APOBEC3F: variants seen among roughly 807,000 people sequenced by gnomAD.
APOBEC3F encodes DNA dC->dU-editing enzyme APOBEC-3F.
APOBEC3F carries 34 observed loss-of-function variants against 45.8 expected under a neutral mutation model. The ratio of observed to expected loss-of-function variants is 0.74; its 90% CI spans 0.57 to 0.99. The LOEUF (loss-of-function observed/expected upper bound fraction) is 0.99, where lower values mean the gene tolerates loss of function less well. APOBEC3F is among the 50% of genes least tolerant of loss of function. The pLI, the probability that APOBEC3F is intolerant of heterozygous loss-of-function variation, is 0.00. For missense variants in APOBEC3F, 459 were observed against 474.1 expected (o/e 0.97, Z 0.30); for synonymous variants, 192 against 174.4 (o/e 1.10, Z -0.80).
In APOBEC3F at chr22:39,054,674, A is replaced by G. The variant is rs1927636105; in HGVS notation, c.*1979A>G. 6.6e-6 allele frequency among the ~76,000 whole-genome samples: 1 copy of G among 152,218 alleles called. No individual in the cohort carries two copies. The highest frequency in any genetic ancestry group is 1.5e-5 in the Non-Finnish European group (1 of 68,030). ...CTGTCTCTGTTCTCCCAACATGGTG[A>G]ACACCACCCGGACTGCGTGTATGTC... On this transcript the variant is annotated 3_prime_UTR_variant, in exon 7 of 7. Coordinates refer to ENST00000308521, the MANE Select transcript of APOBEC3F (RefSeq NM_145298.6).
chr22:39,048,192 G>A (rs1371958218), intron 4 of APOBEC3F, among the ~76,000 whole-genome samples: 1 of 152,208 alleles, frequency 6.6e-6, no homozygotes, highest in Non-Finnish European at 1.5e-5. Context: ...CTCCTGCAGG[G>A]CCTGTGATGC....
intron 2 of APOBEC3F, among the ~76,000 whole-genome samples, chr22:39,043,882 C>G (rs533044726): frequency 6.6e-6 from 1 of 151,538 alleles, no homozygotes; most frequent in Non-Finnish European, 1.5e-5. Flanking sequence ...AAAATTAGCC[C>G]GGTGTGGTGG....
chr22:39,043,996 G>C, intron 2 of APOBEC3F: 1 of 1,451,376 alleles, frequency 6.9e-7, no homozygotes, highest in Non-Finnish European at 9.1e-7. Flanking sequence ...TTGCACTCCA[G>C]CCTGGGCAAC....
chr22:39,043,087 C>G lies in APOBEC3F; in HGVS notation c.168C>G (p.Gly56=). ...RPRLDAKIFR[G]QVYSQPEHHA... ...GTTTGGACGCAAAGATCTTTCGAGGCCAGGTACCACCCGGACTTCAATCAC... is the reference window on the plus strand; with the variant it reads ...GTTTGGACGCAAAGATCTTTCGAGGGCAGGTACCACCCGGACTTCAATCAC... Residue 56 remains glycine (G), a synonymous_variant, in exon 2 of 7, where the codon GGC becomes GGG. Transcript: ENST00000308521. 6.2e-7 allele frequency: 1 copy of G among 1,614,044 alleles called. No individual in the cohort carries two copies. Among genetic ancestry groups the G allele is most frequent in the South Asian group, 1.1e-5 (1 of 91,066 alleles).
At chr22:39,046,402 T>C (rs1267557579) in intron 4 of APOBEC3F, among the ~76,000 whole-genome samples, 1 of 152,132 alleles carries the variant, frequency 6.6e-6, no homozygotes, top group Non-Finnish European at 1.5e-5. Context: ...GTCCCTGTTC[T>C]GTGTGTCTGT....
rs148020366 is a variant in APOBEC3F at position 39,045,172 on chromosome 22, T to C, written c.403T>C (p.Cys135Arg). 4.3e-6 allele frequency: 7 copies of C among 1,614,134 alleles called. No homozygotes were observed. In the East Asian group the frequency reaches 1.6e-4, roughly 36 times the overall value. The change falls in exon 3 of 7, where the codon TGC becomes CGC. Residue 135 changes from cysteine to arginine, a missense_variant. By Grantham distance (180) the Cys-to-Arg change is radical (BLOSUM62 -3). Transcript: ENST00000308521. ...YWERDYRRALCRLSQAGARVK... is the reference protein window; with the variant it reads ...YWERDYRRALRRLSQAGARVK... ...GGAAAGAGATTACCGAAGGGCGCTC[T>C]GCAGGCTGAGTCAGGCAGGGGCCCG...
Position 39,045,231 on chromosome 22 carries a change from G to C in APOBEC3F, c.451+11G>C, listed in dbSNP as rs1482147359. On this transcript the variant is annotated intron_variant, in intron 3 of 6. Transcript: ENST00000308521. ...TTATGGACGATGAAGGTGAGAGGTG[G>C]AGGGGTCAGGGGAGCGTGAGCGGGA... 1.2e-6 allele frequency: 2 copies of C among 1,613,562 alleles called. No homozygotes were observed. Among genetic ancestry groups the C allele is most frequent in the African/African-American group, 1.3e-5 (1 of 74,928 alleles).
At chr22:39,047,171 C>T (rs182501879) in intron 4 of APOBEC3F, among the ~76,000 whole-genome samples, 7 of 152,192 alleles carry the variant, frequency 4.6e-5, no homozygotes, top group South Asian at 2.1e-4. Context: ...CACCCCCACC[C>T]GCTATTCCTC....
At position 39,045,246 on chromosome 22, in the gene APOBEC3F, C is replaced by T. The variant is rs34358388; in HGVS notation, c.451+26C>T. On this transcript the variant is annotated intron_variant, in intron 3 of 6. Transcript: ENST00000308521. ...GTGAGAGGTGGAGGGGTCAGGGGAGCGTGAGCGGGAGGAACAGCATGAAAG... is the reference window on the plus strand; with the variant it reads ...GTGAGAGGTGGAGGGGTCAGGGGAGTGTGAGCGGGAGGAACAGCATGAAAG... The T allele has an allele frequency of 2.3e-3, 3,755 of 1,609,908 alleles. 51 individuals carry two copies. In the African/African-American group the frequency reaches 0.044, roughly 19 times the overall value.
rs748570407 is a variant in APOBEC3F, at chr22:39,044,964, C to A, written c.195C>A (p.His65Gln). The change falls in exon 3 of 7, where the codon CAC (histidine) becomes CAA (glutamine). Residue 65 changes from histidine (H) to glutamine (Q), a missense_variant. Transcript: ENST00000308521. ...RGQVYSQPEH[H>Q]AEMCFLSWFC... Reference sequence around the variant, plus strand: ...AGGTGTATTCCCAGCCTGAGCACCACGCAGAAATGTGCTTCCTCTCTTGGT... The same window carrying A: ...AGGTGTATTCCCAGCCTGAGCACCAAGCAGAAATGTGCTTCCTCTCTTGGT... 1.2e-6 allele frequency: 2 copies of A among 1,614,002 alleles called. No homozygotes were observed. Among genetic ancestry groups the A allele is most frequent in the Admixed American group, 3.3e-5 (2 of 59,994 alleles).
intron 2 of APOBEC3F, chr22:39,044,216 A>G (rs745978376): frequency 6.2e-7 from 1 of 1,607,730 alleles, no homozygotes; most frequent in South Asian, 1.1e-5. Flanking sequence ...GGCAGACCCT[A>G]GAGGGCCAGG....
At position 39,054,379 on chromosome 22, in the gene APOBEC3F, G is replaced by A. The variant is rs753007293; in HGVS notation, c.*1684G>A. 2.0e-5 allele frequency among the ~76,000 whole-genome samples: 3 copies of A among 152,078 alleles called. No individual in the cohort carries two copies. Among genetic ancestry groups the A allele is most frequent in the East Asian group, 3.9e-4 (2 of 5,190 alleles). ...CCCAAGTAGCTGGGATTACATGCGC[G>A]TGCCACCACGCCTAGCTAATTTTTG... On this transcript the variant is annotated 3_prime_UTR_variant, in exon 7 of 7. Transcript: ENST00000308521.
At chr22:39,050,089 A>T (rs1927412614) in intron 5 of APOBEC3F, among the ~76,000 whole-genome samples, 1 of 151,892 alleles carries the variant, frequency 6.6e-6, no homozygotes, top group African/African-American at 2.4e-5. Flanking sequence ...GCCTCTTACC[A>T]AAAGGCCTTG....
chr22:39,042,436 A>G (rs1433583109), intron 1 of APOBEC3F, among the ~76,000 whole-genome samples: 1 of 150,758 alleles, frequency 6.6e-6, no homozygotes, highest in Non-Finnish European at 1.5e-5. Context: ...CTCAGCCTCC[A>G]CAGTGGCTGG....
intron 5 of APOBEC3F, among the ~76,000 whole-genome samples, chr22:39,051,485 G>A (rs959898883): frequency 1.3e-5 from 2 of 150,636 alleles, no homozygotes; most frequent in South Asian, 2.1e-4. Flanking sequence ...TGCAGTGAGC[G>A]GAGATCGCGC....
At position 39,048,420 on chromosome 22, in the gene APOBEC3F, A is replaced by G. The variant is rs543104980; in HGVS notation, c.567-1005A>G. 2.6e-5 allele frequency among the ~76,000 whole-genome samples: 4 copies of G among 152,346 alleles called. No individual in the cohort carries two copies. The South Asian group carries it at 6.2e-4, about 24-fold the overall frequency. ...CCGGGCACAGTGACTCACGCCTGTC[A>G]TCCCAGCACTTTGGGAGGCTGAGTC... On this transcript the variant is annotated intron_variant, in intron 4 of 6. Coordinates refer to ENST00000308521, the MANE Select transcript of APOBEC3F (RefSeq NM_145298.6).
intron 6 of APOBEC3F, 53 bp from the exon 7 acceptor site, chr22:39,052,524 G>A (rs1927546436): frequency 1.3e-6 from 2 of 1,585,136 alleles, no homozygotes; most frequent in South Asian, 2.3e-5. Context: ...AGGGCCCAGG[G>A]CTGGGAGAGA....
chr22:39,049,288 C>T (rs1927367520), intron 4 of APOBEC3F, 137 bp from the exon 5 acceptor site: 5 of 1,116,412 alleles, frequency 4.5e-6, no homozygotes, highest in Non-Finnish European at 6.4e-6. Context: ...ATCCCCTCCT[C>T]TTTCTCTCTC....
intron 1 of APOBEC3F, among the ~76,000 whole-genome samples, chr22:39,041,690 C>A (rs1276556426): frequency 1.3e-5 from 2 of 151,814 alleles, no homozygotes; most frequent in Non-Finnish European, 2.9e-5. Context: ...ATGGATAAAC[C>A]CTGTCTCTAC....
Sources: gnomAD v4.1 joint callset for allele counts (sites outside exome capture counted in the v4.1 genomes callset) on GRCh38, gnomAD v4.1.1 for gene constraint, MANE v1.5 for transcripts, NCBI Gene and HGNC (gene_info 2026-07-23, HGNC 2026-07-21) for gene names.